PDE5A: variants seen among roughly 807,000 people sequenced by gnomAD.
PDE5A encodes the protein cGMP-specific 3',5'-cyclic phosphodiesterase.
A neutral mutation model predicts 110.2 loss-of-function variants in PDE5A; 67 were observed. The ratio of observed to expected loss-of-function variants is 0.61; its 90% CI spans 0.50 to 0.75. PDE5A has a LOEUF of 0.75. Ranked by LOEUF, PDE5A falls within the 30% of genes least tolerant of loss-of-function variation. PDE5A has a pLI of 0.00. For synonymous variants in PDE5A, 328 were observed against 351.2 expected (o/e 0.93, Z 0.74); for missense variants, 862 against 1,045.1 (o/e 0.82, Z 2.42).
intron 4 of PDE5A, 73 bp from the exon 5 acceptor site, chr4:119,565,483 C>T: frequency 1.0e-6 from 1 of 962,888 alleles, no homozygotes; most frequent in East Asian, 2.5e-5. Context: ...AATACAGATC[C>T]TCAAATATTT....
intron 1 of PDE5A, among the ~76,000 whole-genome samples, chr4:119,623,687 A>T (rs765718030): frequency 7.2e-5 from 11 of 152,354 alleles, no homozygotes; most frequent in Middle Eastern, 3.4e-3. Flanking sequence ...ATTTGGTTGC[A>T]TAGCATAATC....
chr4:119,538,231 G>T (rs1451023791), intron 11 of PDE5A, among the ~76,000 whole-genome samples: 2 of 152,056 alleles, frequency 1.3e-5, no homozygotes, highest in Non-Finnish European at 2.9e-5. Flanking sequence ...AAAGAGTTTA[G>T]CATGTGGCAA....
intron 17 of PDE5A, among the ~76,000 whole-genome samples, chr4:119,505,479 T>TTTTC (rs1462272149): frequency 6.6e-6 from 1 of 151,912 alleles, no homozygotes; most frequent in Non-Finnish European, 1.5e-5. Flanking sequence ...CCTTTTCAGA[T>TTTTC]TTTCTTTAAG....
chr4:119,502,535 A>G (rs1725387096), intron 19 of PDE5A, 46 bp downstream of exon 19: 1 of 1,188,060 alleles, frequency 8.4e-7, no homozygotes, highest in Non-Finnish European at 1.2e-6. Flanking sequence ...TACAATTAAA[A>G]AAAAAACAAT....
chr4:119,524,777 ATTCTT>A (rs1290502981), intron 12 of PDE5A, among the ~76,000 whole-genome samples: 5 of 152,252 alleles, frequency 3.3e-5, no homozygotes, highest in African/African-American at 1.2e-4. Flanking sequence ...AGATTACTGA[ATTCTT>A]TTTTTTAAAT....
chr4:119,509,754 C>G (rs1725676724), intron 15 of PDE5A, among the ~76,000 whole-genome samples: 1 of 151,960 alleles, frequency 6.6e-6, no homozygotes, highest in Non-Finnish European at 1.5e-5. Flanking sequence ...AGGAGGTTGC[C>G]AAAACAGGCT....
intron 3 of PDE5A, among the ~76,000 whole-genome samples, chr4:119,572,623 G>A (rs761142747): frequency 1.8e-4 from 27 of 152,210 alleles, no homozygotes; most frequent in Non-Finnish European, 3.2e-4. Context: ...GAATGAGACA[G>A]TAAACATCCA....
intron 11 of PDE5A, among the ~76,000 whole-genome samples, chr4:119,535,592 G>T (rs939817631): frequency 6.6e-6 from 1 of 151,792 alleles, no homozygotes; most frequent in Non-Finnish European, 1.5e-5. Context: ...TATTATCTCC[G>T]CAACTTGCAA....
chr4:119,501,191 G>T lies in PDE5A; in HGVS notation c.2469C>A (p.Ala823=). Residue 823 remains alanine, a synonymous_variant, in exon 20 of 21, where the codon GCC becomes GCA. Transcript: ENST00000354960. Reference sequence around the variant, plus strand: ...ATACCTCATACAGTTGCAAGCAGATGGCATCTATGAACCCAACTTGCATAC... The same window carrying T: ...ATACCTCATACAGTTGCAAGCAGATTGCATCTATGAACCCAACTTGCATAC... ...IPSMQVGFID[A]ICLQLYEALT... is the part of the protein sequence containing the mutation. The T allele has an allele frequency of 6.2e-7, 1 of 1,609,360 alleles. No homozygotes were observed. The highest frequency in any genetic ancestry group is 8.5e-7 in the Non-Finnish European group (1 of 1,175,976).
At chr4:119,616,339 T>C (rs1376119069) in intron 1 of PDE5A, among the ~76,000 whole-genome samples, 2 of 152,232 alleles carry the variant, frequency 1.3e-5, no homozygotes, top group East Asian at 3.9e-4. Context: ...TGGTAGGACA[T>C]AAAACCAAAT....
At chr4:119,626,165 T>G (rs1297398362) in intron 1 of PDE5A, among the ~76,000 whole-genome samples, 1 of 152,178 alleles carries the variant, frequency 6.6e-6, no homozygotes. Context: ...TTTTTAAAAG[T>G]TTTTTTAGAG....
At chr4:119,565,100 T>C (rs78407073) in intron 5 of PDE5A, among the ~76,000 whole-genome samples, 1 of 152,082 alleles carries the variant, frequency 6.6e-6, no homozygotes, top group Non-Finnish European at 1.5e-5. Context: ...GTGGTGTAAG[T>C]CAAATAAATT....
chr4:119,559,547 T>C (rs1727669939), intron 7 of PDE5A, among the ~76,000 whole-genome samples: 1 of 151,990 alleles, frequency 6.6e-6, no homozygotes, highest in Admixed American at 6.6e-5. Flanking sequence ...TATTCAAATA[T>C]TTACATATGT....
intron 10 of PDE5A, among the ~76,000 whole-genome samples, chr4:119,540,419 C>A (rs1411622023): frequency 6.6e-6 from 1 of 152,228 alleles, no homozygotes; most frequent in Middle Eastern, 3.4e-3. Context: ...TCAAGAAACT[C>A]ACAGCTGCTC....
chr4:119,551,849 T>C (rs1727367064), intron 9 of PDE5A: 1 of 152,206 alleles, frequency 6.6e-6, no homozygotes, highest in Non-Finnish European at 1.5e-5. Context: ...AATTCTAAAT[T>C]TAACCTTTAA....
At chr4:119,526,433 G>C (rs1185480648) in intron 11 of PDE5A, among the ~76,000 whole-genome samples, 1 of 152,120 alleles carries the variant, frequency 6.6e-6, no homozygotes, top group Non-Finnish European at 1.5e-5. Context: ...TCCTCTCCTA[G>C]ATGTTTTGCT....
At chr4:119,594,664 T>A (rs1465521478) in intron 3 of PDE5A, among the ~76,000 whole-genome samples, 3 of 152,250 alleles carry the variant, frequency 2.0e-5, no homozygotes, top group African/African-American at 4.8e-5. Context: ...CATACTTAGT[T>A]AATTAAACTA....
chr4:119,557,870 T>C (rs1256877449), intron 7 of PDE5A, among the ~76,000 whole-genome samples: 1 of 152,208 alleles, frequency 6.6e-6, no homozygotes, highest in Non-Finnish European at 1.5e-5. Context: ...AGTCTTTACT[T>C]ATTTAATTAC....
At chr4:119,516,870 C>T (rs1040848100) in intron 14 of PDE5A, among the ~76,000 whole-genome samples, 5 of 152,188 alleles carry the variant, frequency 3.3e-5, no homozygotes, top group African/African-American at 7.2e-5. Context: ...CCACCTGTCT[C>T]GGCCTCCCAA....
Sources: gnomAD v4.1 joint callset for allele counts (sites outside exome capture counted in the v4.1 genomes callset) on GRCh38, gnomAD v4.1.1 for gene constraint, MANE v1.5 for transcripts, NCBI Gene and HGNC (gene_info 2026-07-23, HGNC 2026-07-21) for gene names.